The following ATP7A variants were observed in gnomAD, a reference collection of about 807,000 sequenced individuals.
ATP7A encodes the protein copper-transporting ATPase 1.
In ATP7A, 7 loss-of-function variants were observed where a neutral mutation model predicts 83.5. That is an observed-to-expected ratio of 0.08 (90% CI 0.05 to 0.16). ATP7A has a LOEUF of 0.16. Among genes scored for constraint, ATP7A ranks in the 10% least tolerant of loss-of-function variants. ATP7A has a pLI of 1.00. For synonymous variants in ATP7A, 354 were observed against 395.2 expected (o/e 0.90, Z 1.24); for missense variants, 940 against 1,120.8 (o/e 0.84, Z 2.30).
chrX:77,940,119 C>CA (rs782669225), intron 1 of ATP7A, among the ~76,000 whole-genome samples: 4 of 110,076 alleles, frequency 3.6e-5, no homozygotes, highest in Admixed American at 2.9e-4. Flanking sequence ...CCTTATTAGA[C>CA]AAAAAAATGC....
chrX:77,967,992 G>C (rs782721181), intron 1 of ATP7A, among the ~76,000 whole-genome samples: 7 of 110,674 alleles, frequency 6.3e-5, no homozygotes, highest in Non-Finnish European at 1.3e-4. Context: ...ATACTGATCT[G>C]GTAAAAGGAT....
At chrX:77,965,440 G>T (rs782557623) in intron 1 of ATP7A, 1 of 321,467 alleles carries the variant, frequency 3.1e-6, no homozygotes, top group East Asian at 1.0e-4. Context: ...AGTAATCAGA[G>T]AAATGTGAAT....
intron 1 of ATP7A, among the ~76,000 whole-genome samples, chrX:77,916,375 A>T (rs1393244783): frequency 9.1e-6 from 1 of 109,305 alleles, no homozygotes; most frequent in Non-Finnish European, 1.9e-5. Context: ...AAAAAAAGAA[A>T]AAAAAAGAGA....
chrX:77,944,362 A>T (rs2149056071), intron 1 of ATP7A, among the ~76,000 whole-genome samples: 1 of 112,099 alleles, frequency 8.9e-6, no homozygotes, highest in African/African-American at 3.2e-5. Flanking sequence ...ATATGAACTG[A>T]TCATCTTTTC....
chrX:77,912,298 AATAG>A lies in ATP7A; in HGVS notation c.-22+1468_-22+1471del, dbSNP rs782509875. 7.2e-5 allele frequency among the ~76,000 whole-genome samples: 8 copies of A among 111,565 alleles called. No individual in the cohort carries two copies. The South Asian group carries it at 3.0e-3, about 41-fold the overall frequency. Reference sequence around the variant, plus strand: ...GGAGCATGTGAACTGGGCTTTGAAAAATAGATAGGATTTAGCTTTGCAGGAATGG... The same window carrying A: ...GGAGCATGTGAACTGGGCTTTGAAAAATAGGATTTAGCTTTGCAGGAATGG... On this transcript the variant is annotated intron_variant, in intron 1 of 22. Coordinates refer to ENST00000341514, the MANE Select transcript of ATP7A (RefSeq NM_000052.7).
At chrX:77,927,148 A>G (rs1394169716) in intron 1 of ATP7A, among the ~76,000 whole-genome samples, 1 of 112,369 alleles carries the variant, frequency 8.9e-6, no homozygotes, top group East Asian at 2.8e-4. Flanking sequence ...ATGGGACTTC[A>G]ATAAATATGT....
chrX:78,039,800 T>C (rs1353529456), intron 18 of ATP7A, among the ~76,000 whole-genome samples: 2 of 112,474 alleles, frequency 1.8e-5, no homozygotes, highest in Non-Finnish European at 3.7e-5. Context: ...CATACTATTT[T>C]ATTATGCTTT....
At chrX:77,993,900 A>G (rs2077683964) in intron 4 of ATP7A, among the ~76,000 whole-genome samples, 1 of 111,358 alleles carries the variant, frequency 9.0e-6, no homozygotes, top group East Asian at 2.8e-4. Context: ...ATTATAATTT[A>G]AAATAGCTAG....
Position 78,046,508 on chromosome X carries a change from G to T in ATP7A, c.4441G>T (p.Glu1481Ter). The T allele has an allele frequency of 8.3e-7, 1 of 1,211,563 alleles. No individual in the cohort carries two copies. Among genetic ancestry groups the T allele is most frequent in the Non-Finnish European group, 1.1e-6 (1 of 895,403 alleles). ...KRSLNSVVTS[E>*]PDKHSLLVGD... Reference sequence around the variant, plus strand: ...CTCCCTAAACAGTGTTGTTACCAGTGAACCTGACAAGCACTCACTCCTGGT... The same window carrying T: ...CTCCCTAAACAGTGTTGTTACCAGTTAACCTGACAAGCACTCACTCCTGGT... Residue 1481 changes from glutamate to a stop codon, truncating the protein, a stop_gained, in exon 23 of 23, where the codon GAA becomes TAA. Coordinates refer to ENST00000341514, the MANE Select transcript of ATP7A (RefSeq NM_000052.7). LOFTEE classifies it high-confidence loss of function.
intron 1 of ATP7A, among the ~76,000 whole-genome samples, chrX:77,942,334 T>C (rs1453758368): frequency 1.8e-5 from 2 of 112,300 alleles, no homozygotes; most frequent in Middle Eastern, 4.6e-3. Context: ...ATTACTAGTT[T>C]TGGAGTAGAA....
chrX:77,970,473 C>A (rs1022325946), intron 1 of ATP7A, among the ~76,000 whole-genome samples: 3 of 110,733 alleles, frequency 2.7e-5, no homozygotes, highest in African/African-American at 9.9e-5. Flanking sequence ...GTGTTCGAGA[C>A]CAGCCTAGTC....
intron 7 of ATP7A, among the ~76,000 whole-genome samples, chrX:78,010,800 C>T (rs1253986237): frequency 5.5e-5 from 6 of 109,041 alleles, no homozygotes; most frequent in Non-Finnish European, 1.1e-4. Context: ...ATACTGCTCT[C>T]GAACTCCTGA....
intron 1 of ATP7A, among the ~76,000 whole-genome samples, chrX:77,930,747 G>A (rs1569548836): frequency 9.0e-6 from 1 of 111,335 alleles, no homozygotes; most frequent in Non-Finnish European, 1.9e-5. Context: ...GGTTAAATGA[G>A]TTAACAAAGC....
At chrX:78,005,217 C>T (rs1446200134) in intron 6 of ATP7A, among the ~76,000 whole-genome samples, 1 of 111,698 alleles carries the variant, frequency 9.0e-6, no homozygotes, top group Admixed American at 9.6e-5. Context: ...CCTATATACA[C>T]CAGCTAGATT....
intron 22 of ATP7A, 36 bp from the exon 23 acceptor site, chrX:78,046,258 G>A: frequency 2.5e-6 from 3 of 1,203,192 alleles, no homozygotes; most frequent in Non-Finnish European, 3.4e-6. Flanking sequence ...TTTACTTTTG[G>A]TTATTTGAAA....
chrX:77,977,970 G>A (rs958799046), intron 2 of ATP7A, among the ~76,000 whole-genome samples: 35 of 111,856 alleles, frequency 3.1e-4, no homozygotes, highest in African/African-American at 1.1e-3. Flanking sequence ...GAGATTTTCT[G>A]TGAAGTTAAT....
chrX:77,986,587 C>T (rs1346449499), intron 2 of ATP7A, among the ~76,000 whole-genome samples: 1 of 111,556 alleles, frequency 9.0e-6, no homozygotes, highest in Non-Finnish European at 1.9e-5. Context: ...CAGTTAATGA[C>T]GCCACCATCT....
At chrX:77,969,444 C>G in intron 1 of ATP7A, 1 of 1,210,483 alleles carries the variant, frequency 8.3e-7, no homozygotes, top group Non-Finnish European at 1.1e-6. Flanking sequence ...TCCAGAGGGT[C>G]CGGATCACTC....
In ATP7A at chrX:77,932,023, G is replaced by C. The variant is rs782226999; in HGVS notation, c.-22+21188G>C. On this transcript the variant is annotated intron_variant, in intron 1 of 22. Transcript: ENST00000341514. ...TGACCCCCCCACCTCCCTCCTGGAC[G>C]GGGCGGCTGGCCTGGCGGGGGCTGA... 2.2e-4 allele frequency among the ~76,000 whole-genome samples: 24 copies of C among 110,252 alleles called. 1 individual carries two copies. The highest frequency in any genetic ancestry group is 4.4e-4 in the Non-Finnish European group (23 of 52,291).
Sources: gnomAD v4.1 joint callset for allele counts (sites outside exome capture counted in the v4.1 genomes callset) on GRCh38, gnomAD v4.1.1 for gene constraint, MANE v1.5 for transcripts, NCBI Gene and HGNC (gene_info 2026-07-23, HGNC 2026-07-21) for gene names.